PRKCE: variants seen among roughly 807,000 people sequenced by gnomAD.
PRKCE encodes the protein protein kinase C epsilon.
Under a neutral mutation model 85.4 loss-of-function variants are expected in PRKCE, and 16 were observed. That is an observed-to-expected ratio of 0.19 (90% CI 0.13 to 0.28). The LOEUF is 0.28. Ranked by LOEUF, PRKCE falls within the 10% of genes least tolerant of loss-of-function variation. PRKCE has a pLI of 1.00. For synonymous variants in PRKCE, 388 were observed against 371.5 expected, an observed-to-expected ratio of 1.04 and a Z score of -0.51; for missense variants, 573 against 975.2, an observed-to-expected ratio of 0.59 and a Z score of 5.49.
intron 10 of PRKCE, among the ~76,000 whole-genome samples, chr2:46,062,831 G>A (rs1015258264): frequency 2.1e-4 from 32 of 152,110 alleles, no homozygotes; most frequent in African/African-American, 7.7e-4. Flanking sequence ...GTTTCGCTAT[G>A]TTGGCCAGGC....
intron 1 of PRKCE, among the ~76,000 whole-genome samples, chr2:45,672,240 G>A (rs1454719378): frequency 6.6e-6 from 1 of 150,936 alleles, no homozygotes. Flanking sequence ...CCATCCATCT[G>A]TCTATGCATC....
In PRKCE at chr2:45,980,259, G is replaced by A. The variant is rs754301695; in HGVS notation, c.608-37G>A. 3 of 1,590,640 alleles carry A rather than the reference G, an allele frequency of 1.9e-6. No homozygotes were observed. The South Asian group carries it at 3.3e-5, about 18-fold the overall frequency. Reference sequence around the variant, plus strand: ...TCCTGGGAGGGACACTCCCTTTCCTGAGTGTCATTCAGCCTTCCTGTCTTT... The same window carrying A: ...TCCTGGGAGGGACACTCCCTTTCCTAAGTGTCATTCAGCCTTCCTGTCTTT... On this transcript the variant is annotated intron_variant, in intron 4 of 14. Transcript: ENST00000306156.
intron 1 of PRKCE, among the ~76,000 whole-genome samples, chr2:45,817,132 G>C (rs1482992254): frequency 1.3e-5 from 2 of 150,378 alleles, no homozygotes; most frequent in African/African-American, 2.5e-5. Flanking sequence ...ACATGCCCCA[G>C]GGGGAGCGAC....
Position 45,781,904 on chromosome 2 carries a change from C to A in PRKCE, c.349-61096C>A, listed in dbSNP as rs1686220480. On this transcript the variant is annotated intron_variant, in intron 1 of 14. Coordinates refer to ENST00000306156, the MANE Select transcript of PRKCE (RefSeq NM_005400.3). ...TGGTCCAGGGTCCTGCCTCATCCAT[C>A]CCTCTTCAGTCTACTCACTTGAAAA... Among the ~76,000 whole-genome samples the A allele has an allele frequency of 2.0e-5, 3 of 152,164 alleles. No individual in the cohort carries two copies. The South Asian group carries it at 6.2e-4, about 32-fold the overall frequency.
chr2:46,134,856 G>C (rs1674800674), intron 11 of PRKCE, among the ~76,000 whole-genome samples: 1 of 152,218 alleles, frequency 6.6e-6, no homozygotes, highest in Non-Finnish European at 1.5e-5. Flanking sequence ...CCACATGCTG[G>C]AAACACAAGG....
At chr2:45,965,321 C>G (rs959911534) in intron 2 of PRKCE, among the ~76,000 whole-genome samples, 1 of 152,206 alleles carries the variant, frequency 6.6e-6, no homozygotes, top group Admixed American at 6.5e-5. Context: ...ACATTATCAT[C>G]TATTGTTCTA....
At chr2:46,027,625 C>G (rs994193274) in intron 10 of PRKCE, among the ~76,000 whole-genome samples, 1 of 152,174 alleles carries the variant, frequency 6.6e-6, no homozygotes, top group Non-Finnish European at 1.5e-5. Context: ...TAGGCACTAG[C>G]ATTTTAAATG....
At chr2:46,098,971 G>A (rs1670960672) in intron 11 of PRKCE, among the ~76,000 whole-genome samples, 1 of 151,980 alleles carries the variant, frequency 6.6e-6, no homozygotes, top group Admixed American at 6.6e-5. Flanking sequence ...GTGAGCTGAG[G>A]TAGTGGAGAC....
intron 2 of PRKCE, among the ~76,000 whole-genome samples, chr2:45,846,347 T>C (rs1691787630): frequency 6.6e-6 from 1 of 152,174 alleles, no homozygotes; most frequent in Non-Finnish European, 1.5e-5. Context: ...TGAGAGACGG[T>C]CGGCGCCTGA....
intron 1 of PRKCE, among the ~76,000 whole-genome samples, chr2:45,828,760 A>C (rs190215770): frequency 2.6e-5 from 4 of 152,302 alleles, no homozygotes; most frequent in Admixed American, 2.6e-4. Context: ...ATGTTCTTAA[A>C]GCAAAAAATT....
At chr2:46,122,471 ATCCAC>A (rs1453959967) in intron 11 of PRKCE, among the ~76,000 whole-genome samples, 34 of 152,084 alleles carry the variant, frequency 2.2e-4, no homozygotes, top group Admixed American at 7.9e-4. Flanking sequence ...CAAGTGATCC[ATCCAC>A]CTTGGCCTCC....
intron 10 of PRKCE, among the ~76,000 whole-genome samples, chr2:46,044,151 G>A (rs902449808): frequency 2.0e-5 from 3 of 152,164 alleles, no homozygotes; most frequent in African/African-American, 7.2e-5. Flanking sequence ...TTCAAACCCT[G>A]GTTTAGAGAA....
intron 1 of PRKCE, among the ~76,000 whole-genome samples, chr2:45,696,316 C>T (rs1283806157): frequency 1.3e-5 from 2 of 152,022 alleles, no homozygotes; most frequent in Non-Finnish European, 2.9e-5. Context: ...TATTTACAGT[C>T]TTTACATATT....
chr2:45,806,979 CT>C (rs1379904835), intron 1 of PRKCE, among the ~76,000 whole-genome samples: 2 of 152,148 alleles, frequency 1.3e-5, no homozygotes, highest in African/African-American at 4.8e-5. Flanking sequence ...CCTCAGGAGG[CT>C]GATGAGACTA....
rs571793521 is a variant in PRKCE, at chr2:45,824,048, G to T, written c.349-18952G>T. 1.6e-4 allele frequency among the ~76,000 whole-genome samples: 25 copies of T among 152,346 alleles called. No homozygotes were observed. In the South Asian group the frequency reaches 5.0e-3, roughly 30 times the overall value. The stretch of plus-strand genomic sequence containing the variant: ...GTCACACACCCTGCAGGCTGCTGCA[G>T]TTCCATCCTGTGTAGTGCTGACTGC... On this transcript the variant is annotated intron_variant, in intron 1 of 14. Transcript: ENST00000306156.
At chr2:45,770,127 G>A (rs1240233741) in intron 1 of PRKCE, among the ~76,000 whole-genome samples, 1 of 152,198 alleles carries the variant, frequency 6.6e-6, no homozygotes, top group African/African-American at 2.4e-5. Context: ...TCCTGCAGTA[G>A]CGGGTGCTAT....
intron 14 of PRKCE, among the ~76,000 whole-genome samples, chr2:46,163,266 C>G (rs954622053): frequency 6.6e-6 from 1 of 151,790 alleles, no homozygotes; most frequent in Non-Finnish European, 1.5e-5. Flanking sequence ...CTGAGAGACA[C>G]AGGGAAGCTG....
chr2:45,736,585 A>G (rs1682082185), intron 1 of PRKCE, among the ~76,000 whole-genome samples: 1 of 152,140 alleles, frequency 6.6e-6, no homozygotes, highest in Non-Finnish European at 1.5e-5. Context: ...TGACTTCCTG[A>G]CACTGCCTGC....
intron 1 of PRKCE, among the ~76,000 whole-genome samples, chr2:45,748,270 G>A (rs1043214340): frequency 1.3e-5 from 2 of 152,216 alleles, no homozygotes; most frequent in East Asian, 3.8e-4. Context: ...CATTTTGCAG[G>A]TGAGGAAATT....
Sources: gnomAD v4.1 joint callset for allele counts (sites outside exome capture counted in the v4.1 genomes callset) on GRCh38, gnomAD v4.1.1 for gene constraint, MANE v1.5 for transcripts, NCBI Gene and HGNC (gene_info 2026-07-23, HGNC 2026-07-21) for gene names.